BMPER: variants seen among roughly 807,000 people sequenced by gnomAD.
BMPER encodes the protein BMP-binding endothelial regulator protein.
In BMPER, 45 loss-of-function variants were observed where a neutral mutation model predicts 87.3. That is an observed-to-expected ratio of 0.52 (90% CI 0.41 to 0.66). The LOEUF (loss-of-function observed/expected upper bound fraction) is 0.66, where lower values mean the gene tolerates loss of function less well. Ranked by LOEUF, BMPER falls within the 30% of genes least tolerant of loss-of-function variation. The pLI, the probability that BMPER is intolerant of heterozygous loss-of-function variation, is 0.00. For missense variants in BMPER, 784 were observed against 867.5 expected (o/e 0.90, Z 1.21); for synonymous variants, 326 against 316.2 (o/e 1.03, Z -0.33).
chr7:33,993,629 A>G (rs1393782665), intron 6 of BMPER, among the ~76,000 whole-genome samples: 1 of 152,040 alleles, frequency 6.6e-6, no homozygotes, highest in Non-Finnish European at 1.5e-5. Flanking sequence ...CGTCAAAGTC[A>G]TTCTCCATCC....
At chr7:34,053,132 T>G (rs1342755840) in intron 8 of BMPER, among the ~76,000 whole-genome samples, 1 of 152,184 alleles carries the variant, frequency 6.6e-6, no homozygotes, top group East Asian at 1.9e-4. Context: ...CTTGCCGTGC[T>G]TTGGGTTCAT....
At chr7:34,119,222 A>T (rs200352547) in intron 13 of BMPER, among the ~76,000 whole-genome samples, 2 of 152,298 alleles carry the variant, frequency 1.3e-5, no homozygotes, top group East Asian at 3.9e-4. Context: ...GTTAAATGTT[A>T]AGATTGCATG....
intron 13 of BMPER, among the ~76,000 whole-genome samples, chr7:34,116,980 A>G (rs1790133246): frequency 6.6e-6 from 1 of 150,764 alleles, no homozygotes; most frequent in South Asian, 2.1e-4. Context: ...ACAAAGGGAG[A>G]CCCTGTCTCC....
chr7:34,076,881 C>G (rs1788878359), intron 11 of BMPER, among the ~76,000 whole-genome samples: 1 of 151,966 alleles, frequency 6.6e-6, no homozygotes, highest in South Asian at 2.1e-4. Flanking sequence ...TTAGGAGGTA[C>G]CTTGGCCTTT....
intron 2 of BMPER, among the ~76,000 whole-genome samples, chr7:33,933,732 T>C (rs574846800): frequency 2.0e-5 from 3 of 152,170 alleles, no homozygotes; most frequent in Non-Finnish European, 4.4e-5. Context: ...AGTTCCTGTC[T>C]GGAGCCACCA....
intron 6 of BMPER, among the ~76,000 whole-genome samples, chr7:34,022,407 G>A (rs1333143856): frequency 6.6e-6 from 1 of 151,090 alleles, no homozygotes; most frequent in Admixed American, 6.6e-5. Context: ...GCCTCTTAGG[G>A]CAGAAAAACT....
intron 2 of BMPER, among the ~76,000 whole-genome samples, chr7:33,911,311 A>C (rs1365413955): frequency 1.3e-5 from 2 of 152,232 alleles, no homozygotes; most frequent in Non-Finnish European, 2.9e-5. Flanking sequence ...AGGCTCAGAG[A>C]AGTAGAGCAA....
chr7:34,085,900 A>T lies in BMPER; in HGVS notation c.1553A>T (p.Asp518Val), dbSNP rs1401627415. Residue 518 changes from aspartate (D) to valine (V), a missense_variant, in exon 13 of 15, where the codon GAT (aspartate) becomes GTT (valine). By Grantham distance (152) the Asp-to-Val change is radical. Transcript: ENST00000649409. ...LIGGDGNFKFDVDDFAESWRV... is the reference protein window; with the variant it reads ...LIGGDGNFKFVVDDFAESWRV... ...GGTGGAGATGGAAACTTCAAGTTTG[A>T]TGTGGATGACTTTGCTGAATCTTGG... The T allele has an allele frequency of 6.2e-7, 1 of 1,614,160 alleles. No individual in the cohort carries two copies. Among genetic ancestry groups the T allele is most frequent in the Non-Finnish European group, 8.5e-7 (1 of 1,180,030 alleles).
intron 6 of BMPER, among the ~76,000 whole-genome samples, chr7:33,981,503 C>T (rs532848980): frequency 3.0e-4 from 46 of 152,278 alleles, no homozygotes; most frequent in African/African-American, 7.9e-4. Flanking sequence ...CCATACTTTA[C>T]GCTCCAAACA....
chr7:33,990,683 T>C (rs1309502176), intron 6 of BMPER, among the ~76,000 whole-genome samples: 1 of 147,756 alleles, frequency 6.8e-6, no homozygotes, highest in Non-Finnish European at 1.5e-5. Context: ...AGGGCATCCC[T>C]GTCTTGTGCC....
intron 6 of BMPER, among the ~76,000 whole-genome samples, chr7:34,045,914 C>T (rs371122984): frequency 6.6e-6 from 1 of 152,122 alleles, no homozygotes; most frequent in Non-Finnish European, 1.5e-5. Context: ...AAGGCAGTGA[C>T]CTATTAGGAT....
intron 2 of BMPER, among the ~76,000 whole-genome samples, chr7:33,930,605 A>G (rs1454663434): frequency 1.3e-5 from 2 of 152,150 alleles, no homozygotes; most frequent in African/African-American, 4.8e-5. Context: ...TAGAGAGGTC[A>G]TCACTTCATT....
intron 3 of BMPER, among the ~76,000 whole-genome samples, chr7:33,941,116 T>A (rs959467347): frequency 1.4e-5 from 2 of 138,264 alleles, no homozygotes; most frequent in Admixed American, 1.5e-4. Context: ...TTACATATAA[T>A]TTATATATTA....
rs117370513 is a variant in BMPER at position 33,946,465 on chromosome 7, C to T, written c.319+9077C>T. On this transcript the variant is annotated intron_variant, in intron 3 of 14. Transcript: ENST00000649409. ...AGGTAATCACATTCAAAAAGGGCTG[C>T]TCTGCACAAGGCTCCCGGGTGAAGG... is the stretch of plus-strand genomic sequence containing the variant. Among the ~76,000 whole-genome samples, 31 of 152,288 alleles carry T rather than the reference C, an allele frequency of 2.0e-4. No homozygotes were observed. The East Asian group carries it at 6.0e-3, about 29-fold the overall frequency.
At chr7:34,028,809 C>T (rs1787447768) in intron 6 of BMPER, among the ~76,000 whole-genome samples, 1 of 151,530 alleles carries the variant, frequency 6.6e-6, no homozygotes, top group Admixed American at 6.6e-5. Flanking sequence ...GTAGAGTAAA[C>T]ACAAATTGCC....
At chr7:34,131,493 A>G (rs1173879796) in intron 13 of BMPER, among the ~76,000 whole-genome samples, 4 of 152,086 alleles carry the variant, frequency 2.6e-5, no homozygotes, top group African/African-American at 9.7e-5. Context: ...GTAGTGGAGG[A>G]TTTGTGCCTT....
intron 6 of BMPER, among the ~76,000 whole-genome samples, chr7:34,025,889 C>G (rs1244347775): frequency 6.6e-6 from 1 of 151,952 alleles, no homozygotes; most frequent in Admixed American, 6.6e-5. Context: ...GAAGCTGGAA[C>G]AGGTCTATCA....
At chr7:33,989,417 T>C (rs1786127422) in intron 6 of BMPER, among the ~76,000 whole-genome samples, 2 of 152,160 alleles carry the variant, frequency 1.3e-5, no homozygotes, top group South Asian at 4.1e-4. Context: ...ATGTCTTCTT[T>C]TGAGAAGTGT....
At chr7:34,112,223 G>A (rs992606595) in intron 13 of BMPER, among the ~76,000 whole-genome samples, 5 of 151,934 alleles carry the variant, frequency 3.3e-5, no homozygotes, top group Non-Finnish European at 5.9e-5. Flanking sequence ...GGCCAGGCGC[G>A]GTGGCTCACA....
Sources: gnomAD v4.1 joint callset for allele counts (sites outside exome capture counted in the v4.1 genomes callset) on GRCh38, gnomAD v4.1.1 for gene constraint, MANE v1.5 for transcripts, NCBI Gene and HGNC (gene_info 2026-07-23, HGNC 2026-07-21) for gene names.